The following ENO4 variants were observed in gnomAD, a reference collection of about 807,000 sequenced individuals.
The protein encoded by ENO4 is enolase 4, also known as 2-phospho-D-glycerate hydro-lyase.
In ENO4, 53 loss-of-function variants were observed where a neutral mutation model predicts 63.2. That is an observed-to-expected ratio of 0.84 (90% CI 0.67 to 1.05). The LOEUF (loss-of-function observed/expected upper bound fraction) is 1.05, where lower values mean the gene tolerates loss of function less well. ENO4 is among the 50% of genes least tolerant of loss of function. The pLI, the probability that ENO4 is intolerant of heterozygous loss-of-function variation, is 0.00. For synonymous variants in ENO4, 266 were observed against 283.8 expected (o/e 0.94, Z 0.63); for missense variants, 719 against 772.0 (o/e 0.93, Z 0.81).
intron 10 of ENO4, among the ~76,000 whole-genome samples, chr10:116,895,668 T>A (rs1847492982): frequency 2.6e-5 from 4 of 152,208 alleles, no homozygotes; most frequent in Admixed American, 2.6e-4. Context: ...GAAGGAATCT[T>A]ATGGTCATTC....
intron 10 of ENO4, chr10:116,900,342 C>T (rs1847687491): frequency 1.7e-6 from 1 of 585,798 alleles, no homozygotes; most frequent in Non-Finnish European, 3.0e-6. Flanking sequence ...TTGAGCTTCA[C>T]ATCTGCCTTT....
intron 10 of ENO4, among the ~76,000 whole-genome samples, chr10:116,905,051 A>G (rs1847907753): frequency 1.3e-5 from 2 of 150,306 alleles, no homozygotes; most frequent in South Asian, 4.3e-4. Flanking sequence ...AATACAAAAA[A>G]TTAGCCGGGC....
chr10:116,862,402 G>T (rs1485264455), intron 6 of ENO4, among the ~76,000 whole-genome samples: 1 of 152,106 alleles, frequency 6.6e-6, no homozygotes, highest in African/African-American at 2.4e-5. Flanking sequence ...GGAGTTTGCA[G>T]TAGGCCGAGA....
intron 10 of ENO4, among the ~76,000 whole-genome samples, chr10:116,888,526 TG>T (rs1382219665): frequency 2.0e-5 from 3 of 152,184 alleles, no homozygotes; most frequent in Non-Finnish European, 4.4e-5. Flanking sequence ...TGACAGAGAC[TG>T]GGGACAAACT....
intron 9 of ENO4, chr10:116,873,764 C>T (rs748428302): frequency 1.4e-5 from 7 of 517,676 alleles, no homozygotes; most frequent in Admixed American, 6.4e-5. Context: ...TGTCCATCTA[C>T]GCAGGCAGCC....
intron 13 of ENO4, among the ~76,000 whole-genome samples, chr10:116,880,349 A>G (rs1036468479): frequency 6.6e-6 from 1 of 152,222 alleles, no homozygotes; most frequent in African/African-American, 2.4e-5. Flanking sequence ...GGTTTTTGGA[A>G]ACAAACTGTT....
At chr10:116,863,593 C>T (rs967054155) in intron 7 of ENO4, among the ~76,000 whole-genome samples, 1 of 152,174 alleles carries the variant, frequency 6.6e-6, no homozygotes, top group African/African-American at 2.4e-5. Context: ...TTGCATTTAG[C>T]CTGAGGCTTT....
chr10:116,857,962 G>A (rs1296828603), intron 3 of ENO4, among the ~76,000 whole-genome samples: 2 of 152,074 alleles, frequency 1.3e-5, no homozygotes, highest in African/African-American at 4.8e-5. Flanking sequence ...ATAGTTTTGG[G>A]TTTTCTTGGA....
intron 7 of ENO4, among the ~76,000 whole-genome samples, chr10:116,865,670 A>G (rs1263037152): frequency 6.6e-6 from 1 of 152,184 alleles, no homozygotes; most frequent in East Asian, 1.9e-4. Flanking sequence ...GTCTGGAGAC[A>G]TCTGTAGTGG....
chr10:116,872,032 C>G (rs181327183), intron 9 of ENO4, among the ~76,000 whole-genome samples: 2 of 152,192 alleles, frequency 1.3e-5, no homozygotes, highest in African/African-American at 2.4e-5. Context: ...CCCCCCTCTA[C>G]AAAAAATGCA....
At chr10:116,852,864 T>C (rs113041121) in intron 1 of ENO4, among the ~76,000 whole-genome samples, 5 of 152,096 alleles carry the variant, frequency 3.3e-5, no homozygotes, top group African/African-American at 1.2e-4. Context: ...CTGTCAAGCC[T>C]CCAGATGATT....
chr10:116,900,252 T>C, intron 10 of ENO4: 1 of 385,230 alleles, frequency 2.6e-6, no homozygotes, highest in Non-Finnish European at 4.7e-6. Flanking sequence ...CCACAGTATT[T>C]GTATTAGAGC....
At chr10:116,871,897 T>C (rs1846704732) in intron 9 of ENO4, among the ~76,000 whole-genome samples, 1 of 152,176 alleles carries the variant, frequency 6.6e-6, no homozygotes, top group African/African-American at 2.4e-5. Context: ...AACAGGTTCA[T>C]TGAAAAACAT....
intron 2 of ENO4, 126 bp from the exon 3 acceptor site, chr10:116,856,366 T>C: frequency 1.4e-6 from 1 of 739,612 alleles, no homozygotes; most frequent in Non-Finnish European, 2.1e-6. Flanking sequence ...CAAAGAAAAT[T>C]ATATATTCTC....
At chr10:116,896,428 A>C (rs958849733) in intron 10 of ENO4, among the ~76,000 whole-genome samples, 3 of 152,128 alleles carry the variant, frequency 2.0e-5, no homozygotes, top group Non-Finnish European at 4.4e-5. Flanking sequence ...TGAAAGAAGG[A>C]AGGCTAGGCC....
chr10:116,905,280 T>G (rs545072169), intron 10 of ENO4, among the ~76,000 whole-genome samples: 1 of 150,746 alleles, frequency 6.6e-6, no homozygotes, highest in Admixed American at 6.6e-5. Flanking sequence ...AAAGGATGAC[T>G]CAAGCACTGA....
At chr10:116,868,824 C>A (rs148569690) in intron 8 of ENO4, 118 bp downstream of exon 8, 12 of 882,482 alleles carry the variant, frequency 1.4e-5, no homozygotes, top group Middle Eastern at 2.2e-4. Flanking sequence ...AAATGGAAAC[C>A]ATATAGTGAT....
intron 12 of ENO4, 86 bp downstream of exon 12, chr10:116,879,444 G>C (rs1846934771): frequency 9.8e-7 from 1 of 1,018,092 alleles, no homozygotes; most frequent in African/African-American, 1.6e-5. Flanking sequence ...GGTGGAGAAA[G>C]GCATGTAACC....
At position 116,893,576 on chromosome 10, in the gene ENO4, G is replaced by GCGCACACACACACACACACACACACACA. The variant is rs1554905664; in HGVS notation, c.1194+13591_1194+13592insGCACACACACACACACACACACACACAC. Among the ~76,000 whole-genome samples, 379 of 123,582 alleles carry GCGCACACACACACACACACACACACACA rather than the reference G, an allele frequency of 3.1e-3. 2 individuals carry two copies. Among genetic ancestry groups the GCGCACACACACACACACACACACACACA allele is most frequent in the East Asian group, 5.2e-3 (22 of 4,200 alleles). 81.1% of individuals were successfully genotyped at this position (123,582 alleles called of 152,430 possible). On this transcript the variant is annotated intron_variant, in intron 10 of 10. Coordinates refer to the ENO4 transcript ENST00000369207. ...CCCCCTCCCTGATAGGCACTCATGT[G>GCGCACACACACACACACACACACACACA]CACACACACACACACACACACGAGA...
Sources: allele counts gnomAD v4.1 joint callset (sites outside exome capture counted in the v4.1 genomes callset), GRCh38; gene constraint gnomAD v4.1.1; transcripts MANE v1.5; gene names NCBI Gene and HGNC (gene_info 2026-07-23, HGNC 2026-07-21).